C1QTNF5: variants seen among roughly 807,000 people sequenced by gnomAD.
The protein encoded by C1QTNF5 is complement C1q tumor necrosis factor-related protein 5.
A neutral mutation model predicts 10.9 loss-of-function variants in C1QTNF5; 5 were observed. The observed-to-expected ratio is 0.46, with a 90% CI of 0.24 to 0.97. C1QTNF5 has a LOEUF of 0.97. C1QTNF5 is among the 50% of genes least tolerant of loss of function. C1QTNF5 has a pLI of 0.19. For synonymous variants in C1QTNF5, 161 were observed against 156.5 expected (o/e 1.03, Z -0.22); for missense variants, 281 against 339.4 (o/e 0.83, Z 1.35).
rs1192770552 is a variant in C1QTNF5 at position 119,339,640 on chromosome 11, G to A, written c.423C>T (p.Gly141=). The A allele has an allele frequency of 3.1e-6, 5 of 1,612,612 alleles. No homozygotes were observed. The highest frequency in any genetic ancestry group is 1.3e-5 in the African/African-American group (1 of 74,960). ...CCCCAGGCACCTGGCAGGTGAACTT[G>A]CCGGTGACGGCGTCGTAATGTCCCT... is the stretch of plus-strand genomic sequence containing the variant. ...NEQGHYDAVT[G]KFTCQVPGVY... Residue 141 remains glycine, a synonymous_variant, in exon 3 of 3, where the codon GGC becomes GGT. Transcript: ENST00000528368. This position sits in a 1 kb window ranked among gnomAD's most constrained non-coding sequence, Gnocchi z 5.4.
chr11:119,342,011 G>C, upstream of C1QTNF5: 1 of 1,612,542 alleles, frequency 6.2e-7, no homozygotes, highest in Non-Finnish European at 8.5e-7. Context: ...GAGGGCCACT[G>C]TGGGGACTGC....
At chr11:119,346,056 G>C in the C1QTNF5 span, 1 of 1,610,952 alleles carries the variant, frequency 6.2e-7, no homozygotes. Flanking sequence ...GGGCCAGGAT[G>C]ATGGCCACCA....
intron 2 of C1QTNF5, 122 bp downstream of exon 2, chr11:119,340,062 G>A (rs2135365066): frequency 1.5e-6 from 2 of 1,317,112 alleles, no homozygotes; most frequent in Non-Finnish European, 2.0e-6. Flanking sequence ...CCCGCTCAGG[G>A]CTGCAAAGCG....
upstream of C1QTNF5, chr11:119,344,348 A>G: frequency 6.2e-7 from 1 of 1,613,788 alleles, no homozygotes; most frequent in Non-Finnish European, 8.5e-7. Context: ...GGTAGCTGGG[A>G]GTAGAGAAAG....
upstream of C1QTNF5, chr11:119,341,439 A>C: frequency 1.1e-6 from 1 of 915,834 alleles, no homozygotes; most frequent in East Asian, 2.5e-5. Flanking sequence ...GGAGCCCCAG[A>C]GAAGGATGGG....
upstream of C1QTNF5, chr11:119,341,710 G>C (rs1036542163): frequency 1.2e-6 from 2 of 1,613,068 alleles, no homozygotes; most frequent in Non-Finnish European, 1.7e-6. Flanking sequence ...GGGTGCAACG[G>C]GGCACAAGCA....
chr11:119,342,057 C>T (rs906722254), upstream of C1QTNF5: 33 of 1,592,806 alleles, frequency 2.1e-5, no homozygotes, highest in Middle Eastern at 1.7e-4. Flanking sequence ...GTCACCGAAT[C>T]GCTCGGTCCT....
At position 119,340,754 on chromosome 11, in the gene C1QTNF5, TTGG is replaced by T. The variant is rs1950495488; in HGVS notation, c.-106_-104del. The stretch of plus-strand genomic sequence containing the variant: ...GCGCTCGCTACTCCGGACCCTCCAG[TTGG>T]TGGTGCTCCAGCCCCCGCGCTTCTC... On this transcript the variant is annotated 5_prime_UTR_variant, in exon 1 of 3. Coordinates refer to ENST00000528368, the MANE Select transcript of C1QTNF5 (RefSeq NM_001278431.2). The T allele has an allele frequency of 3.3e-6, 1 of 299,048 alleles. No individual in the cohort carries two copies. Among genetic ancestry groups the T allele is most frequent in the Non-Finnish European group, 6.3e-6 (1 of 159,650 alleles). 18.5% of individuals were successfully genotyped at this position (299,048 alleles called of 1,614,324 possible).
upstream of C1QTNF5, chr11:119,342,683 T>C: frequency 6.2e-7 from 1 of 1,613,602 alleles, no homozygotes; most frequent in Non-Finnish European, 8.5e-7. Flanking sequence ...TGCACACCCT[T>C]ACACCCTCCT....
upstream of C1QTNF5, chr11:119,342,916 A>C (rs1254577055): frequency 2.5e-6 from 4 of 1,613,034 alleles, no homozygotes; most frequent in Non-Finnish European, 3.4e-6. Flanking sequence ...AGAAGCCTCC[A>C]CTGCTGATGC....
At chr11:119,346,117 C>G in the C1QTNF5 span, 3 of 1,605,884 alleles carry the variant, frequency 1.9e-6, no homozygotes, top group East Asian at 6.7e-5. Flanking sequence ...GACACAGAGC[C>G]AGGAGAAGCG....
intron 1 of C1QTNF5, 33 bp from the exon 2 acceptor site, chr11:119,340,473 A>G: frequency 6.2e-6 from 9 of 1,456,054 alleles, no homozygotes; most frequent in Non-Finnish European, 8.3e-6. Flanking sequence ...GTCGGGACCC[A>G]GAATCCTGGG....
At chr11:119,340,036 C>G (rs1950484769) in intron 2 of C1QTNF5, 148 bp downstream of exon 2, 2 of 1,252,404 alleles carry the variant, frequency 1.6e-6, no homozygotes, top group Non-Finnish European at 2.1e-6. Context: ...GGGGCTCCCG[C>G]CGCCTGGGCC....
At chr11:119,344,365 G>A (rs1950536266), upstream of C1QTNF5, 1 of 1,613,862 alleles carries the variant, frequency 6.2e-7, no homozygotes, top group African/African-American at 1.3e-5. Context: ...AAAGTGCCCT[G>A]GAGGCCAGTC....
chr11:119,344,297 A>C, upstream of C1QTNF5: 3 of 1,612,382 alleles, frequency 1.9e-6, no homozygotes, highest in Non-Finnish European at 2.5e-6. Context: ...CCCGTTCTGC[A>C]TGGAGCACTG....
At chr11:119,344,426 G>A, upstream of C1QTNF5, 3 of 1,600,974 alleles carry the variant, frequency 1.9e-6, no homozygotes, top group Non-Finnish European at 2.6e-6. Context: ...GAGTTTGCTA[G>A]GATCTGTGCC....
At chr11:119,343,078 G>T, upstream of C1QTNF5, 1 of 1,534,800 alleles carries the variant, frequency 6.5e-7, no homozygotes. Flanking sequence ...CCACAGGCCT[G>T]GCTCTGAGCT....
At chr11:119,346,364 C>A in the C1QTNF5 span, 3 of 1,614,004 alleles carry the variant, frequency 1.9e-6, no homozygotes, top group South Asian at 3.3e-5. Flanking sequence ...GGCAGGATTG[C>A]AGAACTCGGT....
In C1QTNF5 at chr11:119,339,838, T is replaced by C; in HGVS notation, c.225A>G (p.Gly75=). ...KGEGGRPGLP[G]PRGDPGPRGE... Reference sequence around the variant, plus strand: ...CTCGCGGCCCGGGGTCCCCTCGAGGTCCCGGCAGTCCTGCGGGGTAAGCGG... The same window carrying C: ...CTCGCGGCCCGGGGTCCCCTCGAGGCCCCGGCAGTCCTGCGGGGTAAGCGG... The change falls in exon 3 of 3, where the codon GGA becomes GGG. Residue 75 remains glycine (G), a synonymous_variant. Coordinates refer to ENST00000528368, the MANE Select transcript of C1QTNF5 (RefSeq NM_001278431.2). This position sits in a 1 kb window ranked among gnomAD's most constrained non-coding sequence, Gnocchi z 5.4. 6.7e-7 allele frequency: 1 copy of C among 1,492,978 alleles called. No homozygotes were observed. Among genetic ancestry groups the C allele is most frequent in the South Asian group, 1.3e-5 (1 of 76,972 alleles). 92.5% of individuals were successfully genotyped at this position (1,492,978 alleles called of 1,614,324 possible).
Sources: gnomAD v4.1 joint callset for allele counts on GRCh38, gnomAD v4.1.1 for gene constraint, Gnocchi (gnomAD v3.1) non-coding constraint, MANE v1.5 for transcripts, NCBI Gene and HGNC (gene_info 2026-07-23, HGNC 2026-07-21) for gene names.